The following BICRAL variants were observed in gnomAD, a reference collection of about 807,000 sequenced individuals.
The protein encoded by BICRAL is BRD4-interacting chromatin-remodeling complex-associated protein-like.
A neutral mutation model predicts 91.8 loss-of-function variants in BICRAL; 8 were observed. The ratio of observed to expected loss-of-function variants is 0.09; its 90% confidence interval spans 0.05 to 0.16. The LOEUF (loss-of-function observed/expected upper bound fraction) is 0.16. Ranked by LOEUF, BICRAL falls within the 10% of genes least tolerant of loss-of-function variation. The pLI is 1.00. For synonymous variants in BICRAL, 445 were observed against 491.1 expected (o/e 0.91, Z 1.24); for missense variants, 1,038 against 1,310.9 (o/e 0.79, Z 3.21).
Position 42,829,169 on chromosome 6 carries a change from C to T in BICRAL, c.836C>T (p.Thr279Ile), listed in dbSNP as rs1166082760. The T allele has an allele frequency of 6.2e-7, 1 of 1,614,042 alleles. No homozygotes were observed. Among genetic ancestry groups the T allele is most frequent in the South Asian group, 1.1e-5 (1 of 91,084 alleles). Residue 279 changes from threonine (T) to isoleucine (I), a missense_variant, in exon 6 of 13, where the codon ACC becomes ATC. This residue lies in a region of BICRAL where 532 missense variants were observed against 724.9 expected (regional missense o/e 0.73). Coordinates refer to ENST00000314073, the MANE Select transcript of BICRAL (RefSeq NM_001393499.1). ...SSSSPVAQPV[T>I]VPFNSTNFQT... Reference sequence around the variant, plus strand: ...TCCAGTCCAGTAGCACAGCCTGTTACCGTTCCATTTAACAGCACAAATTTT... The same window carrying T: ...TCCAGTCCAGTAGCACAGCCTGTTATCGTTCCATTTAACAGCACAAATTTT...
At chr6:42,755,281 A>G (rs904672462) in intron 1 of BICRAL, among the ~76,000 whole-genome samples, 5 of 152,168 alleles carry the variant, frequency 3.3e-5, no homozygotes, top group Admixed American at 3.3e-4. Flanking sequence ...CCAGCTCAAG[A>G]GAAGACAATG....
intron 1 of BICRAL, among the ~76,000 whole-genome samples, chr6:42,755,451 C>T (rs759795112): frequency 1.4e-4 from 21 of 152,242 alleles, no homozygotes; most frequent in Non-Finnish European, 2.8e-4. Flanking sequence ...CACCATTCTC[C>T]CCAAGACCCT....
chr6:42,767,309 TTAA>T (rs1433355774), intron 1 of BICRAL, among the ~76,000 whole-genome samples: 17 of 152,224 alleles, frequency 1.1e-4, no homozygotes, highest in African/African-American at 4.1e-4. Flanking sequence ...TAATTATTAA[TTAA>T]TGTCATTTAA....
chr6:42,801,386 A>C (rs1763568005), intron 1 of BICRAL, among the ~76,000 whole-genome samples: 1 of 152,164 alleles, frequency 6.6e-6, no homozygotes, highest in Non-Finnish European at 1.5e-5. Flanking sequence ...ATGGTGTCCT[A>C]CTATTAAGCA....
rs572874774 is a variant in BICRAL at position 42,789,054 on chromosome 6, C to T, written c.-102+6953C>T. Among the ~76,000 whole-genome samples the T allele has an allele frequency of 4.6e-5, 7 of 152,158 alleles. No homozygotes were observed. In the South Asian group the frequency reaches 1.0e-3, roughly 23 times the overall value. Reference sequence around the variant, plus strand: ...GCAAGGGGGTGATTTTGATGATGAACCTTGAAATGTTAGCTGAGTAGGAAA... The same window carrying T: ...GCAAGGGGGTGATTTTGATGATGAATCTTGAAATGTTAGCTGAGTAGGAAA... On this transcript the variant is annotated intron_variant, in intron 1 of 12. Transcript: ENST00000314073.
At position 42,855,315 on chromosome 6, in the gene BICRAL, C is replaced by T. The variant is rs545185202; in HGVS notation, c.2047-541C>T. Among the ~76,000 whole-genome samples, 118 of 152,202 alleles carry T rather than the reference C, an allele frequency of 7.8e-4. 1 individual carries two copies. In the Middle Eastern group the frequency reaches 0.01, roughly 13 times the overall value. On this transcript the variant is annotated intron_variant, in intron 8 of 12. Transcript: ENST00000314073. ...CAACACTTTGGGAGGCCAAGGCAGG[C>T]GGATGGCTTGAGTCCAGGAGTTCGA...
chr6:42,776,279 C>A (rs1158072866), intron 1 of BICRAL, among the ~76,000 whole-genome samples: 8 of 152,090 alleles, frequency 5.3e-5, no homozygotes, highest in Non-Finnish European at 1.2e-4. Flanking sequence ...CATTGTGATC[C>A]TTCTATCTTG....
Position 42,829,959 on chromosome 6 carries a change from T to C in BICRAL, c.1626T>C (p.Ala542=). The C allele has an allele frequency of 6.2e-7, 1 of 1,614,246 alleles. No homozygotes were observed. Among genetic ancestry groups the C allele is most frequent in the Non-Finnish European group, 8.5e-7 (1 of 1,180,052 alleles). The change falls in exon 6 of 13, where the codon GCT becomes GCC. Residue 542 remains alanine, a synonymous_variant. Transcript: ENST00000314073. ...TGTCAGGACCTAGTCGGTTCCCTGC[T>C]GTCAGCTCAGCCAGCACTGCCCATC... is the stretch of plus-strand genomic sequence containing the variant. ...TSMSGPSRFP[A]VSSASTAHPS...
At chr6:42,849,120 C>T (rs1162537425) in intron 6 of BICRAL, among the ~76,000 whole-genome samples, 3 of 152,112 alleles carry the variant, frequency 2.0e-5, no homozygotes, top group Admixed American at 6.6e-5. Flanking sequence ...CTTTAATAAC[C>T]TTCTGTCACC....
intron 2 of BICRAL, among the ~76,000 whole-genome samples, chr6:42,815,067 G>A (rs1018955881): frequency 2.0e-5 from 3 of 149,124 alleles, no homozygotes; most frequent in African/African-American, 7.5e-5. Flanking sequence ...GCACCACCAC[G>A]CCTGGCTCAT....
intron 6 of BICRAL, among the ~76,000 whole-genome samples, chr6:42,844,694 C>T (rs1392790722): frequency 1.3e-5 from 2 of 151,942 alleles, no homozygotes; most frequent in East Asian, 1.9e-4. Flanking sequence ...CAGATGGCAA[C>T]AGACTGAGGA....
At chr6:42,807,860 A>G (rs1015096203) in intron 1 of BICRAL, among the ~76,000 whole-genome samples, 49 of 152,038 alleles carry the variant, frequency 3.2e-4, no homozygotes, top group African/African-American at 1.1e-3. Flanking sequence ...ACAGAATGAT[A>G]TATTTATAAT....
intron 5 of BICRAL, 28 bp downstream of exon 5, chr6:42,823,031 T>C: frequency 7.2e-7 from 1 of 1,386,430 alleles, no homozygotes; most frequent in Non-Finnish European, 1.0e-6. Flanking sequence ...AATGCAATGA[T>C]TGAATGGTTT....
At chr6:42,749,787 TTA>T (rs1762348393) in intron 1 of BICRAL, among the ~76,000 whole-genome samples, 1 of 117,202 alleles carries the variant, frequency 8.5e-6, no homozygotes, top group Non-Finnish European at 1.9e-5. Context: ...GGCCCATCCC[TTA>T]TATTATATTA....
chr6:42,850,379 G>A (rs1765140060), intron 6 of BICRAL, among the ~76,000 whole-genome samples: 1 of 151,984 alleles, frequency 6.6e-6, no homozygotes, highest in Non-Finnish European at 1.5e-5. Context: ...AATTAGCCAG[G>A]TGTGGTGGTG....
intron 1 of BICRAL, among the ~76,000 whole-genome samples, chr6:42,775,789 A>G (rs1431868194): frequency 6.6e-6 from 1 of 152,236 alleles, no homozygotes; most frequent in Non-Finnish European, 1.5e-5. Flanking sequence ...CATTTAATAT[A>G]GAGACAAATA....
intron 1 of BICRAL, among the ~76,000 whole-genome samples, chr6:42,771,808 A>C (rs559303041): frequency 1.3e-5 from 2 of 152,180 alleles, no homozygotes; most frequent in Non-Finnish European, 2.9e-5. Context: ...CCAATAGCAT[A>C]GTCTTCAATA....
At chr6:42,847,014 C>T (rs1045216008) in intron 6 of BICRAL, among the ~76,000 whole-genome samples, 2 of 152,118 alleles carry the variant, frequency 1.3e-5, no homozygotes, top group Non-Finnish European at 2.9e-5. Flanking sequence ...CTTTAATCTC[C>T]GCACTTAGAG....
chr6:42,762,242 G>GA (rs1382111972), intron 1 of BICRAL, among the ~76,000 whole-genome samples: 24 of 152,112 alleles, frequency 1.6e-4, no homozygotes, highest in Middle Eastern at 3.4e-3. Flanking sequence ...ATAATGCCAG[G>GA]AAAAAACAAA....
Sources: gnomAD v4.1 joint callset for allele counts (sites outside exome capture counted in the v4.1 genomes callset) on GRCh38, gnomAD v4.1.1 for gene constraint, gnomAD v4.1.1 regional missense constraint, MANE v1.5 for transcripts, NCBI Gene and HGNC (gene_info 2026-07-23, HGNC 2026-07-21) for gene names.